Variants in BAG4 observed in about 807,000 individuals in gnomAD.
The protein encoded by BAG4 is BAG cochaperone 4, also known as BAG family molecular chaperone regulator 4.
In BAG4, 28 loss-of-function variants were observed where a neutral mutation model predicts 52.1. The observed-to-expected ratio is 0.54, with a 90% CI of 0.40 to 0.74. The LOEUF is 0.74. Among genes scored for constraint, BAG4 ranks in the 30% least tolerant of loss-of-function variants. The pLI, the probability that BAG4 is intolerant of heterozygous loss-of-function variation, is 0.00. For synonymous variants in BAG4, 208 were observed against 217.0 expected (o/e 0.96, Z 0.37); for missense variants, 525 against 572.0 (o/e 0.92, Z 0.84).
intron 1 of BAG4, among the ~76,000 whole-genome samples, chr8:38,192,138 T>A (rs1447275122): frequency 6.6e-6 from 1 of 152,246 alleles, no homozygotes; most frequent in Non-Finnish European, 1.5e-5. Context: ...CTAGTAGTAA[T>A]GTCTTTGTGT....
intron 2 of BAG4, among the ~76,000 whole-genome samples, chr8:38,207,204 C>T (rs558602760): frequency 1.3e-5 from 2 of 152,180 alleles, no homozygotes; most frequent in African/African-American, 4.8e-5. Context: ...CCACCCGCCT[C>T]GGCCTCCCAA....
intron 2 of BAG4, among the ~76,000 whole-genome samples, chr8:38,198,187 A>C (rs1803596699): frequency 6.6e-6 from 1 of 151,402 alleles, no homozygotes; most frequent in South Asian, 2.1e-4. Flanking sequence ...AATCGAGACC[A>C]TCCTGGCTAA....
chr8:38,187,880 A>G (rs932572152), intron 1 of BAG4, among the ~76,000 whole-genome samples: 1 of 149,994 alleles, frequency 6.7e-6, no homozygotes, highest in African/African-American at 2.4e-5. Flanking sequence ...AAAAAAAAAA[A>G]AAAAAAATTA....
At position 38,212,913 on chromosome 8, in the gene BAG4, A is replaced by G. The variant is rs781746412; in HGVS notation, c.*2420A>G. The G allele has an allele frequency of 1.3e-5, 2 of 152,106 alleles. No homozygotes were observed. The highest frequency in any genetic ancestry group is 2.9e-5 in the Non-Finnish European group (2 of 68,026). 9.4% of individuals were successfully genotyped at this position (152,106 alleles called of 1,614,324 possible). ...TAATGGTGATTTTCTATTTCTCTCAATCCTTCTACATTTATTATTGGAATT... is the reference window on the plus strand; with the variant it reads ...TAATGGTGATTTTCTATTTCTCTCAGTCCTTCTACATTTATTATTGGAATT... On this transcript the variant is annotated 3_prime_UTR_variant, in exon 5 of 5. Coordinates refer to ENST00000287322, the MANE Select transcript of BAG4 (RefSeq NM_004874.4).
At chr8:38,181,566 G>C (rs934252050) in intron 1 of BAG4, among the ~76,000 whole-genome samples, 10 of 151,398 alleles carry the variant, frequency 6.6e-5, no homozygotes, top group African/African-American at 2.4e-4. Flanking sequence ...GTGAAACCCC[G>C]TCTCTACTAA....
In BAG4 at chr8:38,185,062, C is replaced by T. The variant is rs529224927; in HGVS notation, c.271-7626C>T. Among the ~76,000 whole-genome samples the T allele has an allele frequency of 6.9e-5, 10 of 145,326 alleles. No individual in the cohort carries two copies. The South Asian group carries it at 2.2e-3, about 31-fold the overall frequency. On this transcript the variant is annotated intron_variant, in intron 1 of 4. Coordinates refer to ENST00000287322, the MANE Select transcript of BAG4 (RefSeq NM_004874.4). ...CGAGATCGCACCACTGCATTCCAGC[C>T]AGGGCAACAAGAGTGAGACTCTGTC...
At chr8:38,177,232 T>A in intron 1 of BAG4, 93 bp downstream of exon 1, 4 of 1,513,156 alleles carry the variant, frequency 2.6e-6, no homozygotes, top group Non-Finnish European at 3.5e-6. Context: ...TTTCCTTATG[T>A]GGAGGAGGGT....
chr8:38,179,573 C>G (rs1803229594), intron 1 of BAG4, among the ~76,000 whole-genome samples: 1 of 151,344 alleles, frequency 6.6e-6, no homozygotes, highest in African/African-American at 2.4e-5. Flanking sequence ...CGAGACCAGC[C>G]TGGCCCACAT....
intron 1 of BAG4, among the ~76,000 whole-genome samples, chr8:38,188,608 CATAT>C (rs200855968): frequency 6.7e-6 from 1 of 148,722 alleles, no homozygotes; most frequent in African/African-American, 2.5e-5. Flanking sequence ...TGCATGTATA[CATAT>C]ATATACATGT....
At chr8:38,182,674 G>A (rs1255060327) in intron 1 of BAG4, among the ~76,000 whole-genome samples, 1 of 152,094 alleles carries the variant, frequency 6.6e-6, no homozygotes, top group Non-Finnish European at 1.5e-5. Flanking sequence ...ATAGAATAGA[G>A]TTCAGCTTCA....
Position 38,193,319 on chromosome 8 carries a change from T to A in BAG4, c.378+524T>A, listed in dbSNP as rs1437188383. On this transcript the variant is annotated intron_variant, in intron 2 of 4. Transcript: ENST00000287322. ...CTGTACTCCCAGCTACTCGGGAGGC[T>A]GAGGCAGGAGAACCGCCTGAACCCA... 2.0e-5 allele frequency among the ~76,000 whole-genome samples: 3 copies of A among 151,654 alleles called. No individual in the cohort carries two copies. The East Asian group carries it at 6.0e-4, about 30-fold the overall frequency.
chr8:38,180,062 C>T (rs1803236389), intron 1 of BAG4, among the ~76,000 whole-genome samples: 1 of 152,046 alleles, frequency 6.6e-6, no homozygotes, highest in Non-Finnish European at 1.5e-5. Flanking sequence ...CATTTGTGCC[C>T]ACAGGGTGGG....
intron 2 of BAG4, among the ~76,000 whole-genome samples, chr8:38,203,237 G>A (rs1409616377): frequency 1.3e-5 from 2 of 151,818 alleles, no homozygotes; most frequent in East Asian, 1.9e-4. Context: ...TGCTAAGCGA[G>A]TGTTCTTATG....
At chr8:38,179,853 G>T (rs752828044) in intron 1 of BAG4, among the ~76,000 whole-genome samples, 3 of 152,172 alleles carry the variant, frequency 2.0e-5, no homozygotes, top group African/African-American at 4.8e-5. Context: ...ATGGTGAAAT[G>T]CTTGGCCAAA....
In BAG4 at chr8:38,212,983, T is replaced by C. The variant is rs1409771410; in HGVS notation, c.*2490T>C. 1 of 152,228 alleles carries C rather than the reference T, an allele frequency of 6.6e-6. No homozygotes were observed. The highest frequency in any genetic ancestry group is 1.5e-5 in the Non-Finnish European group (1 of 68,040). The allele number at this position is 152,228 out of a possible 1,614,324, so 9.4% of individuals were successfully genotyped here. A position where few individuals can be genotyped will look rare whatever the true frequency, so the allele number is the denominator to read the frequency against. On this transcript the variant is annotated 3_prime_UTR_variant, in exon 5 of 5. Transcript: ENST00000287322. ...TCAGTTCTGGATTTATATTTTTAAC[T>C]ATAATAAGATATTCAGGATAAGTAT...
At position 38,211,006 on chromosome 8, in the gene BAG4, T is replaced by C. The variant is rs1315540593; in HGVS notation, c.*513T>C. 6.5e-6 allele frequency: 1 copy of C among 153,480 alleles called. No homozygotes were observed. The highest frequency in any genetic ancestry group is 1.5e-5 in the Non-Finnish European group (1 of 68,730). The allele number at this position is 153,480 out of a possible 1,614,324, so 9.5% of individuals were successfully genotyped here. On this transcript the variant is annotated 3_prime_UTR_variant, in exon 5 of 5. Coordinates refer to ENST00000287322, the MANE Select transcript of BAG4 (RefSeq NM_004874.4). ...TTTTGTTATTTGCAGTTTACAAATA[T>C]AGTATTATTCTCTACTTCTTGGTAC...
intron 2 of BAG4, among the ~76,000 whole-genome samples, chr8:38,200,860 A>C (rs965050321): frequency 6.6e-6 from 1 of 152,048 alleles, no homozygotes; most frequent in African/African-American, 2.4e-5. Flanking sequence ...GGCCTCCCAA[A>C]GTGCTGGGAT....
Position 38,192,787 on chromosome 8 carries a change from C to T in BAG4, c.370C>T (p.Gln124Ter). 1 of 1,601,120 alleles carries T rather than the reference C, an allele frequency of 6.2e-7. No individual in the cohort carries two copies. Residue 124 changes from glutamine (Q) to a stop codon, truncating the protein, a stop_gained, in exon 2 of 5, where the codon CAA (glutamine) becomes TAA (stop). Coordinates refer to ENST00000287322, the MANE Select transcript of BAG4 (RefSeq NM_004874.4). LOFTEE classifies it high-confidence loss of function. ...TACATATCCTGTAAGACCAGAATTGCAAGGCCAGGTATGGTTTAAAAACAG... is the reference window on the plus strand; with the variant it reads ...TACATATCCTGTAAGACCAGAATTGTAAGGCCAGGTATGGTTTAAAAACAG... Reference protein sequence around the residue: ...PSTYPVRPELQGQSLNSYTNG... With the variant: ...PSTYPVRPEL
chr8:38,201,821 C>T (rs1254217534), intron 2 of BAG4: 4 of 96,638 alleles, frequency 4.1e-5, no homozygotes, highest in African/African-American at 8.5e-5. Context: ...TGCATTTATT[C>T]TGAGTGTGGA....
Sources: allele counts gnomAD v4.1 joint callset (sites outside exome capture counted in the v4.1 genomes callset), GRCh38; gene constraint gnomAD v4.1.1; transcripts MANE v1.5; gene names NCBI Gene and HGNC (gene_info 2026-07-23, HGNC 2026-07-21).